HIRA: variants seen among roughly 807,000 people sequenced by gnomAD.
The protein encoded by HIRA is histone cell cycle regulator.
In HIRA, 13 loss-of-function variants were observed where a neutral mutation model predicts 126.6. That is an observed-to-expected ratio of 0.10 (90% confidence interval 0.07 to 0.16). HIRA has a LOEUF of 0.16. Ranked by LOEUF, HIRA falls within the 10% of genes least tolerant of loss-of-function variation. The probability of loss-of-function intolerance (pLI) is 1.00; values close to 1 mark genes in which losing one functional copy is unlikely to be tolerated. For missense variants in HIRA, 834 were observed against 1,314.4 expected, an observed-to-expected ratio of 0.63 and a Z score of 5.65; for synonymous variants, 511 against 520.0, an observed-to-expected ratio of 0.98 and a Z score of 0.24.
intron 1 of HIRA, among the ~76,000 whole-genome samples, chr22:19,431,221 G>T (rs912249704): frequency 6.6e-6 from 1 of 152,216 alleles, no homozygotes; most frequent in Admixed American, 6.5e-5. Context: ...AAGAGCCAGG[G>T]GCGAAGATGG....
intron 14 of HIRA, among the ~76,000 whole-genome samples, chr22:19,376,637 C>T (rs917110487): frequency 2.6e-5 from 4 of 152,232 alleles, no homozygotes; most frequent in African/African-American, 7.2e-5. Context: ...TGCTTCCTCA[C>T]TGGTCTTGCT....
At chr22:19,425,694 C>T (rs965305610) in intron 1 of HIRA, among the ~76,000 whole-genome samples, 2 of 152,088 alleles carry the variant, frequency 1.3e-5, no homozygotes. Context: ...GAAATAAATT[C>T]AGAGAGAGGC....
In HIRA at chr22:19,354,035, C is replaced by G. The variant is rs1556011756; in HGVS notation, c.2645G>C (p.Cys882Ser). 1.2e-6 allele frequency: 2 copies of G among 1,613,466 alleles called. No individual in the cohort carries two copies. The highest frequency in any genetic ancestry group is 1.7e-5 in the Admixed American group (1 of 59,912). Reference protein sequence around the residue: ...SSLPSQDAMLCSGPLAIIQGR... With the variant: ...SSLPSQDAMLSSGPLAIIQGR... ...CTGGATTATGGCTAACGGTCCTGAG[C>G]ACAGCATGGCGTCCTGGGATGGCAG... Residue 882 changes from cysteine to serine, a missense_variant, in exon 22 of 25, where the codon TGC (cysteine) becomes TCC (serine). By Grantham distance (112) the Cys-to-Ser change is moderately radical. Around this residue, in one of 5 missense-constraint regions of HIRA, gnomAD observed 468 missense variants for 574.2 expected, o/e 0.82. Coordinates refer to ENST00000263208, the MANE Select transcript of HIRA (RefSeq NM_003325.4).
chr22:19,398,318 G>A (rs1374938387), intron 5 of HIRA, among the ~76,000 whole-genome samples: 1 of 152,224 alleles, frequency 6.6e-6, no homozygotes, highest in Admixed American at 6.5e-5. Flanking sequence ...GTGGTTCAGA[G>A]CTTGGGCACC....
intron 11 of HIRA, among the ~76,000 whole-genome samples, chr22:19,387,341 G>A (rs963913952): frequency 5.9e-5 from 9 of 152,192 alleles, no homozygotes; most frequent in East Asian, 3.9e-4. Flanking sequence ...CAGACAATGC[G>A]TTCTAAGAAA....
intron 24 of HIRA, among the ~76,000 whole-genome samples, chr22:19,338,891 T>G (rs1556006771): frequency 6.6e-6 from 1 of 152,056 alleles, no homozygotes; most frequent in Admixed American, 6.6e-5. Context: ...ACTAGACAGG[T>G]CATCAAGACA....
intron 1 of HIRA, among the ~76,000 whole-genome samples, chr22:19,421,744 T>G (rs2089448388): frequency 6.6e-6 from 1 of 152,204 alleles, no homozygotes; most frequent in African/African-American, 2.4e-5. Context: ...CGACCTCAGC[T>G]CACTGCAACC....
At chr22:19,425,571 T>C (rs1029162044) in intron 1 of HIRA, among the ~76,000 whole-genome samples, 1 of 151,160 alleles carries the variant, frequency 6.6e-6, no homozygotes, top group African/African-American at 2.5e-5. Flanking sequence ...TGTGTAACTA[T>C]GATTCTGCTC....
intron 15 of HIRA, among the ~76,000 whole-genome samples, chr22:19,364,460 G>T (rs189706544): frequency 2.0e-5 from 3 of 152,166 alleles, no homozygotes; most frequent in Admixed American, 2.0e-4. Flanking sequence ...GTCTATTGGC[G>T]CCATTTCCCC....
chr22:19,357,650 C>T (rs2088825464), intron 18 of HIRA, among the ~76,000 whole-genome samples: 1 of 152,212 alleles, frequency 6.6e-6, no homozygotes, highest in Non-Finnish European at 1.5e-5. Flanking sequence ...CCTTCCCAGA[C>T]AGAGCCCCCT....
chr22:19,388,338 T>C (rs2089146469), intron 10 of HIRA, 146 bp downstream of exon 10: 1 of 614,784 alleles, frequency 1.6e-6, no homozygotes, highest in African/African-American at 1.8e-5. Flanking sequence ...CCAAATCACG[T>C]GCAAACAGCA....
intron 21 of HIRA, among the ~76,000 whole-genome samples, chr22:19,354,788 G>C (rs1556011994): frequency 6.6e-6 from 1 of 151,556 alleles, no homozygotes; most frequent in African/African-American, 2.4e-5. Context: ...TTTCCTTTGA[G>C]ACAGGGTCTT....
chr22:19,419,614 A>C (rs2089427405), intron 1 of HIRA, among the ~76,000 whole-genome samples: 2 of 152,232 alleles, frequency 1.3e-5, no homozygotes, highest in Non-Finnish European at 2.9e-5. Context: ...ACTAGAATGT[A>C]AACTCCAGTA....
chr22:19,422,134 A>G (rs960665636), intron 1 of HIRA, among the ~76,000 whole-genome samples: 17 of 151,410 alleles, frequency 1.1e-4, no homozygotes, highest in African/African-American at 3.9e-4. Flanking sequence ...TAAGGTCTGG[A>G]CATTTTATTT....
intron 1 of HIRA, among the ~76,000 whole-genome samples, chr22:19,428,605 A>T (rs1220889620): frequency 6.6e-6 from 1 of 152,162 alleles, no homozygotes; most frequent in Non-Finnish European, 1.5e-5. Context: ...CCAGAGAAAA[A>T]TGCTGAGCTG....
chr22:19,388,443 C>T (rs775873959), intron 10 of HIRA, 41 bp downstream of exon 10: 2 of 1,508,284 alleles, frequency 1.3e-6, no homozygotes, highest in Non-Finnish European at 9.2e-7. Context: ...TGTGTGGCTT[C>T]TCCTTTCTTA....
intron 15 of HIRA, among the ~76,000 whole-genome samples, chr22:19,370,602 A>G (rs2088955944): frequency 6.6e-6 from 1 of 152,206 alleles, no homozygotes; most frequent in Admixed American, 6.5e-5. Context: ...GAATCAATAC[A>G]AGAAAACAGC....
intron 22 of HIRA, 66 bp from the exon 23 acceptor site, chr22:19,353,585 C>T (rs561230706): frequency 4.8e-5 from 71 of 1,470,116 alleles, no homozygotes; most frequent in Non-Finnish European, 6.1e-5. Context: ...GAACTGCCCC[C>T]GTGTGCAACA....
intron 24 of HIRA, among the ~76,000 whole-genome samples, chr22:19,335,392 G>A (rs1409380226): frequency 2.0e-5 from 3 of 151,954 alleles, no homozygotes; most frequent in African/African-American, 4.8e-5. Context: ...CTACAGGCAT[G>A]TGCCACCACA....
Sources: allele counts gnomAD v4.1 joint callset (sites outside exome capture counted in the v4.1 genomes callset), GRCh38; gene constraint gnomAD v4.1.1; regional missense constraint gnomAD v4.1.1; transcripts MANE v1.5; gene names NCBI Gene and HGNC (gene_info 2026-07-23, HGNC 2026-07-21).